Variants in PROCR observed in about 807,000 individuals in gnomAD.
PROCR encodes the protein endothelial protein C receptor.
A neutral mutation model predicts 24.2 loss-of-function variants in PROCR; 22 were observed. That is an observed-to-expected ratio of 0.91 (90% confidence interval 0.65 to 1.30). The LOEUF (loss-of-function observed/expected upper bound fraction) is 1.30, where lower values mean the gene tolerates loss of function less well. Among genes scored for constraint, PROCR ranks in the 50% most tolerant of loss-of-function variants. The probability of loss-of-function intolerance (pLI) is 0.00; values close to 1 mark genes in which losing one functional copy is unlikely to be tolerated. For missense variants in PROCR, 288 were observed against 307.7 expected, an observed-to-expected ratio of 0.94 and a Z score of 0.48; for synonymous variants, 137 against 139.2, an observed-to-expected ratio of 0.98 and a Z score of 0.11.
intron 1 of PROCR, among the ~76,000 whole-genome samples, chr20:35,205,369 T>A (rs2060334081): frequency 6.8e-6 from 1 of 147,386 alleles, no homozygotes; most frequent in Non-Finnish European, 1.5e-5. Context: ...ATGAAGAAAA[T>A]GCATTAACAA....
chr20:35,208,971 C>A (rs1018219934), intron 1 of PROCR, among the ~76,000 whole-genome samples: 4 of 151,936 alleles, frequency 2.6e-5, no homozygotes, highest in Non-Finnish European at 5.9e-5. Flanking sequence ...GACTCCATCC[C>A]CAAAAAATAA....
chr20:35,189,597 C>G (rs1166035973), intron 1 of PROCR, among the ~76,000 whole-genome samples: 1 of 152,188 alleles, frequency 6.6e-6, no homozygotes, highest in Non-Finnish European at 1.5e-5. Flanking sequence ...TACACTCCCT[C>G]CCCTTTGAAA....
At chr20:35,195,820 CAAA>C (rs58205912) in intron 1 of PROCR, among the ~76,000 whole-genome samples, 9 of 77,576 alleles carry the variant, frequency 1.2e-4, no homozygotes, top group African/African-American at 1.6e-4. Context: ...GAGTCTGTCT[CAAA>C]AAAAAAAAAA....
At chr20:35,173,155 T>C (rs1186472712) in intron 1 of PROCR, among the ~76,000 whole-genome samples, 1 of 152,160 alleles carries the variant, frequency 6.6e-6, no homozygotes, top group East Asian at 1.9e-4. Context: ...CTCATCCAAA[T>C]GTGCTCTGGG....
intron 1 of PROCR, among the ~76,000 whole-genome samples, chr20:35,205,752 A>AATATATATATATAT (rs200029202): frequency 0.013 from 1,350 of 102,074 alleles, 18 homozygotes; most frequent in African/African-American, 0.02. Flanking sequence ...ACTCTGTCTA[A>AATATATATATATAT]ATATATATAT....
chr20:35,193,502 T>A (rs2086191363), intron 1 of PROCR, among the ~76,000 whole-genome samples: 1 of 152,204 alleles, frequency 6.6e-6, no homozygotes, highest in African/African-American at 2.4e-5. Context: ...GGATGCTGGC[T>A]ATATCAATAG....
At chr20:35,173,193 G>A (rs548645003) in intron 1 of PROCR, among the ~76,000 whole-genome samples, 1 of 152,230 alleles carries the variant, frequency 6.6e-6, no homozygotes, top group African/African-American at 2.4e-5. Context: ...CCTCTTTTCT[G>A]GGTGTAGGAA....
intron 1 of PROCR, among the ~76,000 whole-genome samples, chr20:35,184,351 C>A (rs1200093628): frequency 6.6e-6 from 1 of 152,184 alleles, no homozygotes; most frequent in Non-Finnish European, 1.5e-5. Flanking sequence ...TGGTTAGCCA[C>A]AGGTAGAAGA....
At chr20:35,177,952 A>G (rs1484810565), downstream of PROCR, among the ~76,000 whole-genome samples, 1 of 151,862 alleles carries the variant, frequency 6.6e-6, no homozygotes, top group Non-Finnish European at 1.5e-5. Context: ...TACACGATTC[A>G]CCCTGGAAAT....
At chr20:35,204,345 C>T (rs890662881) in intron 1 of PROCR, among the ~76,000 whole-genome samples, 10 of 151,264 alleles carry the variant, frequency 6.6e-5, no homozygotes, top group Admixed American at 6.6e-5. Context: ...TCTTTTCCTT[C>T]CTTCCTCCCT....
At chr20:35,211,658 A>G (rs2060362987) in intron 1 of PROCR, among the ~76,000 whole-genome samples, 1 of 152,192 alleles carries the variant, frequency 6.6e-6, no homozygotes, top group African/African-American at 2.4e-5. Flanking sequence ...AACAAAGCAC[A>G]ATCCATAGGC....
chr20:35,209,640 A>G (rs1413722524), intron 1 of PROCR, among the ~76,000 whole-genome samples: 1 of 152,224 alleles, frequency 6.6e-6, no homozygotes, highest in East Asian at 1.9e-4. Flanking sequence ...ACAAGGGGCC[A>G]AGGAGGGGAA....
chr20:35,197,599 G>A (rs963504212), intron 1 of PROCR, among the ~76,000 whole-genome samples: 36 of 152,004 alleles, frequency 2.4e-4, no homozygotes, highest in East Asian at 9.7e-4. Context: ...CGAGGTGGGC[G>A]GATCACAAGG....
chr20:35,206,328 A>T (rs897760184), intron 1 of PROCR, among the ~76,000 whole-genome samples: 5 of 151,958 alleles, frequency 3.3e-5, no homozygotes. Context: ...CAAAAAAATT[A>T]GCCAGGCATG....
intron 1 of PROCR, among the ~76,000 whole-genome samples, chr20:35,199,158 G>A (rs1351177685): frequency 6.6e-6 from 1 of 152,188 alleles, no homozygotes; most frequent in African/African-American, 2.4e-5. Context: ...GAAAATCCTA[G>A]GGCCATTAAG....
chr20:35,214,082 TA>T (rs1302460501), intron 1 of PROCR, among the ~76,000 whole-genome samples: 1 of 150,758 alleles, frequency 6.6e-6, no homozygotes, highest in Non-Finnish European at 1.5e-5. Context: ...CTCAAAAAAA[TA>T]AAATAAAATA....
downstream of PROCR, among the ~76,000 whole-genome samples, chr20:35,177,812 C>T (rs926325801): frequency 1.3e-5 from 2 of 152,094 alleles, no homozygotes; most frequent in Non-Finnish European, 2.9e-5. Flanking sequence ...ATTGTCAAAC[C>T]ATCACCCTAC....
At chr20:35,203,569 A>G (rs939753711) in intron 1 of PROCR, among the ~76,000 whole-genome samples, 4 of 151,936 alleles carry the variant, frequency 2.6e-5, no homozygotes, top group Non-Finnish European at 4.4e-5. Flanking sequence ...GTGAGCTGAG[A>G]TCGCACCACT....
chr20:35,171,168 C>T (rs1271400618), upstream of PROCR, among the ~76,000 whole-genome samples: 1 of 152,092 alleles, frequency 6.6e-6, no homozygotes, highest in Non-Finnish European at 1.5e-5. Context: ...CCCAAAGTGC[C>T]AGCAGCATGC....
Sources: gnomAD v4.1 joint callset for allele counts (sites outside exome capture counted in the v4.1 genomes callset) on GRCh38, gnomAD v4.1.1 for gene constraint, MANE v1.5 for transcripts, NCBI Gene and HGNC (gene_info 2026-07-23, HGNC 2026-07-21) for gene names.